The following WRN variants were observed in gnomAD, a reference collection of about 807,000 sequenced individuals.
WRN encodes WRN RecQ like helicase.
Under a neutral mutation model 180.7 loss-of-function variants are expected in WRN, and 149 were observed. The ratio of observed to expected loss-of-function variants is 0.82; its 90% CI spans 0.72 to 0.94. WRN has a LOEUF of 0.94. Among genes scored for constraint, WRN ranks in the 40% least tolerant of loss-of-function variants. The pLI, the probability that WRN is intolerant of heterozygous loss-of-function variation, is 0.00. For missense variants in WRN, 1,661 were observed against 1,700.1 expected, an observed-to-expected ratio of 0.98 and a Z score of 0.40; for synonymous variants, 548 against 568.9, an observed-to-expected ratio of 0.96 and a Z score of 0.52.
At chr8:31,099,148 C>T (rs1814109882) in intron 17 of WRN, among the ~76,000 whole-genome samples, 3 of 150,820 alleles carry the variant, frequency 2.0e-5, no homozygotes, top group Admixed American at 1.3e-4. Context: ...CCTGTAATCC[C>T]AGCACTTTGG....
chr8:31,082,695 C>G (rs1024761531), intron 9 of WRN, among the ~76,000 whole-genome samples: 7 of 151,882 alleles, frequency 4.6e-5, no homozygotes, highest in African/African-American at 1.7e-4. Context: ...CTCCCCGGTT[C>G]AAGTGATTCT....
At chr8:31,106,930 C>T (rs1801121189) in intron 18 of WRN, among the ~76,000 whole-genome samples, 1 of 152,106 alleles carries the variant, frequency 6.6e-6, no homozygotes, top group Non-Finnish European at 1.5e-5. Flanking sequence ...AGCTGAGAAT[C>T]AGTAAAGTGA....
chr8:31,070,688 G>A (rs1261283143), intron 7 of WRN, among the ~76,000 whole-genome samples: 1 of 151,828 alleles, frequency 6.6e-6, no homozygotes, highest in Non-Finnish European at 1.5e-5. Flanking sequence ...ACACATTGGG[G>A]GAAATATTCT....
intron 7 of WRN, among the ~76,000 whole-genome samples, chr8:31,070,630 T>C (rs2725385): frequency 0.68 from 102,293 of 151,544 alleles, 35,237 homozygotes; most frequent in East Asian, 0.87. Context: ...ATGAGTCTTA[T>C]GTCATGGGAA....
At chr8:31,047,569 A>G (rs1811918024) in intron 1 of WRN, among the ~76,000 whole-genome samples, 1 of 152,182 alleles carries the variant, frequency 6.6e-6, no homozygotes, top group Non-Finnish European at 1.5e-5. Flanking sequence ...CTTTACCTGA[A>G]TGAAATTTAT....
chr8:31,043,424 T>C (rs1221205458), intron 1 of WRN, among the ~76,000 whole-genome samples: 3 of 152,174 alleles, frequency 2.0e-5, no homozygotes, highest in Non-Finnish European at 4.4e-5. Flanking sequence ...GTAGTCTTGG[T>C]GATGAGGTCA....
rs1585436214 is a variant in WRN at position 31,087,556 on chromosome 8, G to A, written c.1432-220G>A. ...TTATTATATGCTATTAATGAGCCTT[G>A]TTTATGCTGGAAATGTTCCATCTTT... On this transcript the variant is annotated intron_variant, in intron 11 of 34. Coordinates refer to ENST00000298139, the MANE Select transcript of WRN (RefSeq NM_000553.6). The A allele has an allele frequency of 8.1e-6, 4 of 493,742 alleles. No individual in the cohort carries two copies. The Admixed American group carries it at 1.3e-4, about 16-fold the overall frequency. The allele number at this position is 493,742 out of a possible 1,614,324, so 30.6% of individuals were successfully genotyped here.
intron 30 of WRN, among the ~76,000 whole-genome samples, chr8:31,149,469 T>G (rs1490693591): frequency 2.8e-5 from 2 of 71,958 alleles, no homozygotes; most frequent in African/African-American, 1.1e-4. Context: ...TTTTTTTTTT[T>G]TTTTTTTTTT....
chr8:31,093,586 C>CT (rs1563346718), intron 16 of WRN, among the ~76,000 whole-genome samples: 1 of 152,050 alleles, frequency 6.6e-6, no homozygotes, highest in South Asian at 2.1e-4. Context: ...AACATGTTTT[C>CT]TTTTTTTCTA....
chr8:31,042,535 T>C (rs1350141206), intron 1 of WRN, among the ~76,000 whole-genome samples: 1 of 152,234 alleles, frequency 6.6e-6, no homozygotes, highest in Non-Finnish European at 1.5e-5. Flanking sequence ...GATGAGACTC[T>C]TCTTGTAGGA....
Position 31,116,504 on chromosome 8 carries a change from T to C in WRN, c.2424T>C (p.His808=). Residue 808 remains histidine, a synonymous_variant, in exon 20 of 35, where the codon CAT becomes CAC. Coordinates refer to ENST00000298139, the MANE Select transcript of WRN (RefSeq NM_000553.6). The part of the protein sequence containing the change: ...MSFSTRKDIH[H]RFVRDEIQCV... ...TTAGCACAAGGAAAGACATTCATCA[T>C]AGGTTTGTAAGAGATGAAATTCAGG... 3 of 1,613,968 alleles carry C rather than the reference T, an allele frequency of 1.9e-6. No individual in the cohort carries two copies. The highest frequency in any genetic ancestry group is 2.5e-6 in the Non-Finnish European group (3 of 1,179,880).
At chr8:31,070,944 G>A (rs1812890961) in intron 7 of WRN, among the ~76,000 whole-genome samples, 2 of 151,980 alleles carry the variant, frequency 1.3e-5, no homozygotes, top group South Asian at 2.1e-4. Context: ...TTCTTGGGAG[G>A]CTGAGGCAGG....
intron 1 of WRN, among the ~76,000 whole-genome samples, chr8:31,057,370 A>C (rs1812310188): frequency 6.6e-6 from 1 of 152,016 alleles, no homozygotes. Context: ...GGAGATTGAG[A>C]CCATCCTGGC....
At chr8:31,064,565 C>CT in intron 4 of WRN, 131 bp downstream of exon 4, 1 of 1,268,812 alleles carries the variant, frequency 7.9e-7, no homozygotes, top group Non-Finnish European at 1.1e-6. Context: ...TATTTATGTT[C>CT]TACCTGATTC....
chr8:31,162,014 A>C (rs1271597722), intron 33 of WRN, among the ~76,000 whole-genome samples: 1 of 151,990 alleles, frequency 6.6e-6, no homozygotes, highest in African/African-American at 2.4e-5. Context: ...CTTAGGCCAC[A>C]CTCACCCCTG....
intron 11 of WRN, among the ~76,000 whole-genome samples, chr8:31,086,278 A>G (rs183224636): frequency 2.0e-5 from 3 of 152,282 alleles, no homozygotes; most frequent in African/African-American, 7.2e-5. Context: ...GTGAGTAAGA[A>G]TGTATATTCT....
At chr8:31,082,975 T>G (rs1813379262) in intron 9 of WRN, among the ~76,000 whole-genome samples, 1 of 152,224 alleles carries the variant, frequency 6.6e-6, no homozygotes, top group African/African-American at 2.4e-5. Flanking sequence ...GTACAAAGCT[T>G]ATTTTCAATT....
intron 9 of WRN, 28 bp from the exon 10 acceptor site, chr8:31,083,671 A>T: frequency 1.3e-6 from 2 of 1,585,526 alleles, no homozygotes; most frequent in Non-Finnish European, 1.7e-6. Flanking sequence ...ATTATATTGG[A>T]AATTAATGCT....
In WRN at chr8:31,096,768, A is replaced by T. The variant is rs878854134; in HGVS notation, c.1899A>T (p.Leu633Phe). Residue 633 changes from leucine to phenylalanine, a missense_variant and splice_region_variant, in exon 17 of 35, where the codon TTA (leucine) becomes TTT (phenylalanine). Leu to Phe is a conservative substitution (Grantham distance 22, BLOSUM62 0). Around this residue, in one of 3 missense-constraint regions of WRN, gnomAD observed 1,141 missense variants for 1,149.4 expected, o/e 0.99. Transcript: ENST00000298139. The part of the protein sequence containing the change: ...QSENVLTDIK[L>F]GKYRIVYVTP... ...TTTTTTCTTTTGTTTGTTTTTACAGAGGTAAATACCGGATTGTATACGTAA... is the reference window on the plus strand; with the variant it reads ...TTTTTTCTTTTGTTTGTTTTTACAGTGGTAAATACCGGATTGTATACGTAA... 11 of 1,603,066 alleles carry T rather than the reference A, an allele frequency of 6.9e-6. No homozygotes were observed. Among genetic ancestry groups the T allele is most frequent in the African/African-American group, 1.4e-5 (1 of 73,860 alleles).
Sources: allele counts gnomAD v4.1 joint callset (sites outside exome capture counted in the v4.1 genomes callset), GRCh38; gene constraint gnomAD v4.1.1; regional missense constraint gnomAD v4.1.1; transcripts MANE v1.5; gene names NCBI Gene and HGNC (gene_info 2026-07-23, HGNC 2026-07-21).